Variants in CEP192 observed in about 807,000 individuals in gnomAD.
CEP192 encodes the protein centrosomal protein 192, also known as centrosomal protein of 192 kDa.
Under a neutral mutation model 271.8 loss-of-function variants are expected in CEP192, and 151 were observed. The observed-to-expected ratio is 0.56, with a 90% CI of 0.49 to 0.64. The LOEUF is 0.64. Ranked by LOEUF, CEP192 falls within the 30% of genes least tolerant of loss-of-function variation. The pLI is 0.00. For synonymous variants in CEP192, 995 were observed against 1,076.5 expected, an observed-to-expected ratio of 0.92 and a Z score of 1.48; for missense variants, 2,910 against 3,020.5, an observed-to-expected ratio of 0.96 and a Z score of 0.86.
intron 4 of CEP192, among the ~76,000 whole-genome samples, chr18:13,010,967 C>T (rs1407135201): frequency 2.0e-5 from 3 of 152,102 alleles, no homozygotes; most frequent in Non-Finnish European, 4.4e-5. Flanking sequence ...TGGTTCATGC[C>T]TGTAATCCCA....
At chr18:13,002,518 T>C (rs1204356378) in intron 3 of CEP192, among the ~76,000 whole-genome samples, 2 of 152,158 alleles carry the variant, frequency 1.3e-5, no homozygotes, top group Non-Finnish European at 2.9e-5. Flanking sequence ...ATTATTAAGA[T>C]TTCTAGGGTT....
chr18:13,009,787 C>G (rs901991294), intron 4 of CEP192, among the ~76,000 whole-genome samples: 1 of 152,134 alleles, frequency 6.6e-6, no homozygotes, highest in Non-Finnish European at 1.5e-5. Flanking sequence ...AAGCCGAGAT[C>G]GTGCCACTGT....
intron 3 of CEP192, 61 bp from the exon 4 acceptor site, chr18:13,008,394 AT>A: frequency 2.7e-6 from 3 of 1,128,842 alleles, no homozygotes; most frequent in Non-Finnish European, 3.8e-6. Flanking sequence ...ATTAATAAAT[AT>A]TTTGTAGATT....
chr18:13,099,630 GTAGCTTCAGTTT>G (rs748972580), intron 37 of CEP192, 49 bp downstream of exon 37: 4 of 872,780 alleles, frequency 4.6e-6, no homozygotes, highest in Non-Finnish European at 7.3e-6. Flanking sequence ...AATTCTGTTT[GTAGCTTCAGTTT>G]TATAATCCTT....
chr18:13,102,911 G>C (rs1178913509), intron 38 of CEP192, among the ~76,000 whole-genome samples: 1 of 152,148 alleles, frequency 6.6e-6, no homozygotes. Context: ...GCATCTCATG[G>C]GCACATCAGA....
At chr18:13,073,242 T>C (rs1306841075) in intron 30 of CEP192, 57 bp downstream of exon 30, 1 of 1,421,002 alleles carries the variant, frequency 7.0e-7, no homozygotes, top group African/African-American at 1.4e-5. Context: ...TTTATAACTA[T>C]TGGTTTAATG....
rs772720277 is a variant in CEP192, at chr18:13,114,217, C to G, written c.7255C>G (p.Gln2419Glu). The G allele has an allele frequency of 6.2e-7, 1 of 1,613,994 alleles. No homozygotes were observed. The highest frequency in any genetic ancestry group is 1.1e-5 in the South Asian group (1 of 91,026). ...KIDHLVKPRR[Q>E]AVSEASARIP... The stretch of plus-strand genomic sequence containing the variant: ...AGATCATTTAGTTAAGCCCCGAAGA[C>G]AAGCTGTGTCAGAGGCTTCTGCTCG... Residue 2419 changes from glutamine (Q) to glutamate (E), a missense_variant, in exon 42 of 45, where the codon CAA becomes GAA. Gln to Glu is a conservative substitution (Grantham distance 29). Coordinates refer to ENST00000506447, the MANE Select transcript of CEP192 (RefSeq NM_032142.4).
At chr18:13,094,723 A>G (rs912628465) in intron 34 of CEP192, among the ~76,000 whole-genome samples, 4 of 152,164 alleles carry the variant, frequency 2.6e-5, no homozygotes, top group African/African-American at 9.7e-5. Flanking sequence ...AAACCCAGGA[A>G]ACGTGGACTA....
rs749629428 is a variant in CEP192, at chr18:13,073,157, A to G, written c.5588A>G (p.Asn1863Ser). The part of the protein sequence containing the change: ...LARLEIKQLG[N>S]RSQPGIKFTI... ...AGACTAGAAATCAAACAACTTGGAA[A>G]TCGATCACAACCAGGCATTAAGTTC... The change falls in exon 30 of 45, where the codon AAT becomes AGT. Residue 1863 changes from asparagine to serine, a missense_variant. Physicochemically the swap from Asn to Ser is conservative, Grantham distance 46. Coordinates refer to ENST00000506447, the MANE Select transcript of CEP192 (RefSeq NM_032142.4). The G allele has an allele frequency of 6.2e-7, 1 of 1,612,358 alleles. No individual in the cohort carries two copies. Among genetic ancestry groups the G allele is most frequent in the East Asian group, 2.2e-5 (1 of 44,858 alleles).
chr18:13,068,126 C>G lies in CEP192; in HGVS notation c.4647C>G (p.Ser1549=), dbSNP rs2144376782. The G allele has an allele frequency of 6.2e-7, 1 of 1,614,152 alleles. No homozygotes were observed. The highest frequency in any genetic ancestry group is 1.7e-5 in the Admixed American group (1 of 60,022). The change falls in exon 23 of 45, where the codon TCC becomes TCG. Residue 1549 remains serine, a synonymous_variant. Transcript: ENST00000506447. ...NAVAWRCFTF[S]KESVRAPVEV... is the part of the protein sequence containing the mutation. ...TAGCCTGGCGCTGTTTCACGTTTTCCAAGGAATCCGTCCGAGCTCCTGTGG... is the reference window on the plus strand; with the variant it reads ...TAGCCTGGCGCTGTTTCACGTTTTCGAAGGAATCCGTCCGAGCTCCTGTGG...
Position 13,049,866 on chromosome 18 carries a change from G to A in CEP192, c.2992G>A (p.Glu998Lys). 6.2e-7 allele frequency: 1 copy of A among 1,613,964 alleles called. No individual in the cohort carries two copies. Among genetic ancestry groups the A allele is most frequent in the South Asian group, 1.1e-5 (1 of 91,068 alleles). Residue 998 changes from glutamate to lysine, a missense_variant, in exon 17 of 45, where the codon GAA (glutamate) becomes AAA (lysine). By Grantham distance (56) the Glu-to-Lys change is moderately conservative. Transcript: ENST00000506447. ...TSPLSHSSPS[E>K]ISGTSSSGCA... ...ACCACTGAGTCATTCTTCTCCTAGTGAAATTTCTGGAACGAGTTCATCAGG... is the reference window on the plus strand; with the variant it reads ...ACCACTGAGTCATTCTTCTCCTAGTAAAATTTCTGGAACGAGTTCATCAGG...
chr18:13,063,714 T>C (rs2037530914), intron 21 of CEP192, among the ~76,000 whole-genome samples: 1 of 152,212 alleles, frequency 6.6e-6, no homozygotes, highest in Non-Finnish European at 1.5e-5. Flanking sequence ...AGAAGCTTTT[T>C]AGCTTGATGT....
intron 11 of CEP192, among the ~76,000 whole-genome samples, chr18:13,035,474 G>A (rs1388428324): frequency 6.6e-6 from 1 of 152,164 alleles, no homozygotes; most frequent in Admixed American, 6.5e-5. Flanking sequence ...ATCAGATCTC[G>A]TGAGACTTAT....
intron 33 of CEP192, among the ~76,000 whole-genome samples, chr18:13,090,360 A>T (rs1296750625): frequency 6.6e-6 from 1 of 152,200 alleles, no homozygotes; most frequent in African/African-American, 2.4e-5. Flanking sequence ...GTATAGTAAG[A>T]TCTCATTTTG....
chr18:12,992,708 G>A (rs2032947224), intron 1 of CEP192, among the ~76,000 whole-genome samples: 1 of 152,220 alleles, frequency 6.6e-6, no homozygotes, highest in African/African-American at 2.4e-5. Context: ...GTTACATCTT[G>A]AGGAATCTTC....
intron 4 of CEP192, 129 bp downstream of exon 4, chr18:13,008,760 G>C (rs2034142151): frequency 1.5e-6 from 1 of 685,670 alleles, no homozygotes; most frequent in Non-Finnish European, 2.4e-6. Context: ...CTGGAGTGCA[G>C]TGGCGTGATC....
chr18:13,051,487 T>C (rs973072653), intron 17 of CEP192, among the ~76,000 whole-genome samples: 2 of 152,244 alleles, frequency 1.3e-5, no homozygotes, highest in African/African-American at 4.8e-5. Context: ...TTGTTGCTGT[T>C]GGTTAGAAAC....
chr18:13,023,633 A>G (rs184528988), intron 9 of CEP192, among the ~76,000 whole-genome samples: 1 of 152,114 alleles, frequency 6.6e-6, no homozygotes, highest in African/African-American at 2.4e-5. Context: ...TTGATTTTCT[A>G]ATATTCTGTA....
chr18:12,999,650 A>T (rs901223102), intron 2 of CEP192, 62 bp downstream of exon 2: 2 of 1,215,116 alleles, frequency 1.6e-6, no homozygotes, highest in Non-Finnish European at 2.2e-6. Context: ...GCTGATATTT[A>T]TGTTCTGTTT....
Sources: allele counts gnomAD v4.1 joint callset (sites outside exome capture counted in the v4.1 genomes callset), GRCh38; gene constraint gnomAD v4.1.1; transcripts MANE v1.5; gene names NCBI Gene and HGNC (gene_info 2026-07-23, HGNC 2026-07-21).